Variants in MYO7B observed in about 807,000 individuals in gnomAD.
The protein encoded by MYO7B is myosin VIIB.
Under a neutral mutation model 259.7 loss-of-function variants are expected in MYO7B, and 212 were observed. That is an observed-to-expected ratio of 0.82 (90% CI 0.73 to 0.91). The LOEUF is 0.91. Ranked by LOEUF, MYO7B falls within the 40% of genes least tolerant of loss-of-function variation. The probability of loss-of-function intolerance (pLI) is 0.00; values close to 1 mark genes in which losing one functional copy is unlikely to be tolerated. For missense variants in MYO7B, 2,732 were observed against 2,813.5 expected, an observed-to-expected ratio of 0.97 and a Z score of 0.66; for synonymous variants, 1,197 against 1,166.4, an observed-to-expected ratio of 1.03 and a Z score of -0.54.
intron 1 of MYO7B, among the ~76,000 whole-genome samples, chr2:127,541,317 C>T (rs1258343972): frequency 1.3e-5 from 2 of 152,182 alleles, no homozygotes; most frequent in African/African-American, 4.8e-5. Context: ...GGAGGCATCT[C>T]GAGGGCTGTC....
intron 5 of MYO7B, among the ~76,000 whole-genome samples, chr2:127,569,228 G>T (rs1444224239): frequency 1.6e-5 from 2 of 127,968 alleles, no homozygotes; most frequent in African/African-American, 6.4e-5. Flanking sequence ...AAAAAAAAAA[G>T]GTAATATTTT....
intron 19 of MYO7B, among the ~76,000 whole-genome samples, chr2:127,599,758 A>T (rs1285934522): frequency 6.6e-6 from 1 of 152,166 alleles, no homozygotes; most frequent in Non-Finnish European, 1.5e-5. Flanking sequence ...TTCCTGCATC[A>T]GTTGATAATG....
chr2:127,613,844 T>C lies in MYO7B; in HGVS notation c.3398+1241T>C, dbSNP rs1680475841. ...TTAGCCTTGGCTAGAGTACCTGGAG[T>C]CTGCCCCACCATGTGTGTCAGGGGG... On this transcript the variant is annotated intron_variant, in intron 26 of 47. Coordinates refer to ENST00000409816, the MANE Select transcript of MYO7B (RefSeq NM_001393586.1). The surrounding 1 kb of genome is among the most constrained non-coding windows in gnomAD (Gnocchi z 4.3). Among the ~76,000 whole-genome samples, 1 of 152,160 alleles carries C rather than the reference T, an allele frequency of 6.6e-6. No individual in the cohort carries two copies. Among genetic ancestry groups the C allele is most frequent in the South Asian group, 2.1e-4 (1 of 4,836 alleles).
intron 40 of MYO7B, 124 bp from the exon 41 acceptor site, chr2:127,634,052 C>G (rs934918204): frequency 3.5e-5 from 26 of 733,360 alleles, no homozygotes; most frequent in South Asian, 3.1e-4. Flanking sequence ...TTGCCCTGCT[C>G]AGGGCAGACC....
chr2:127,612,186 TGG>T (rs1254270242), intron 24 of MYO7B, 62 bp from the exon 25 acceptor site: 1 of 534,166 alleles, frequency 1.9e-6, no homozygotes, highest in Admixed American at 2.2e-5. Flanking sequence ...CAGGAGGCTG[TGG>T]GGTCAGCATC....
chr2:127,626,661 C>T (rs983887038), intron 31 of MYO7B: 44 of 260,262 alleles, frequency 1.7e-4, no homozygotes, highest in African/African-American at 8.9e-4. Flanking sequence ...CGCCTGTAGT[C>T]CCAGCTACTC....
rs1431215288 is a variant in MYO7B at position 127,597,411 on chromosome 2, C to A, written c.2339+855C>A. Among the ~76,000 whole-genome samples, 1 of 152,168 alleles carries A rather than the reference C, an allele frequency of 6.6e-6. No individual in the cohort carries two copies. Among genetic ancestry groups the A allele is most frequent in the Non-Finnish European group, 1.5e-5 (1 of 68,036 alleles). ...CTTACCACCAGGATTCCTTCTGCGGCCTTGTTTAGCCACGCCCCCTCCCTC... is the reference window on the plus strand; with the variant it reads ...CTTACCACCAGGATTCCTTCTGCGGACTTGTTTAGCCACGCCCCCTCCCTC... On this transcript the variant is annotated intron_variant, in intron 19 of 47. Transcript: ENST00000409816. The surrounding 1 kb of genome is among the most constrained non-coding windows in gnomAD (Gnocchi z 4.8).
At chr2:127,544,152 C>T (rs781623171) in intron 1 of MYO7B, among the ~76,000 whole-genome samples, 2 of 152,118 alleles carry the variant, frequency 1.3e-5, no homozygotes, top group Non-Finnish European at 2.9e-5. Flanking sequence ...TCATAGCTCA[C>T]TACAGCCTCG....
At chr2:127,610,886 G>A (rs558699176) in intron 24 of MYO7B, among the ~76,000 whole-genome samples, 1 of 152,350 alleles carries the variant, frequency 6.6e-6, no homozygotes, top group South Asian at 2.1e-4. Context: ...AGAGGTATGG[G>A]CTCTGCCAGA....
In MYO7B at chr2:127,627,549, T is replaced by G; in HGVS notation, c.4460+239T>G. Reference sequence around the variant, plus strand: ...CACGCGTTGCACTGGCAGCTTCTCTTTGAAACCCAGGTCCACCCGGAAGGG... The same window carrying G: ...CACGCGTTGCACTGGCAGCTTCTCTGTGAAACCCAGGTCCACCCGGAAGGG... On this transcript the variant is annotated intron_variant, in intron 33 of 47. Transcript: ENST00000409816. This position sits in a 1 kb window ranked among gnomAD's most constrained non-coding sequence, Gnocchi z 5.6. 1 of 651,922 alleles carries G rather than the reference T, an allele frequency of 1.5e-6. No homozygotes were observed. Among genetic ancestry groups the G allele is most frequent in the Admixed American group, 2.1e-5 (1 of 47,604 alleles). 40.4% of individuals were successfully genotyped at this position (651,922 alleles called of 1,614,324 possible).
At position 127,632,300 on chromosome 2, in the gene MYO7B, G is replaced by T. The variant is rs370007088; in HGVS notation, c.5304G>T (p.Pro1768=). 1 of 1,611,352 alleles carries T rather than the reference G, an allele frequency of 6.2e-7. No homozygotes were observed. Among genetic ancestry groups the T allele is most frequent in the African/African-American group, 1.3e-5 (1 of 75,022 alleles). ...TGTGGCTGTGCACGGGCCTCTTCCC[G>T]CCCAGCAAGGGGCTGCTGCCCCATG... ...QLLWLCTGLF[P]PSKGLLPHAQ... The change falls in exon 39 of 48, where the codon CCG becomes CCT. Residue 1768 remains proline (P), a synonymous_variant. Transcript: ENST00000409816.
chr2:127,616,616 C>T (rs1386529234), intron 26 of MYO7B, among the ~76,000 whole-genome samples: 2 of 152,220 alleles, frequency 1.3e-5, no homozygotes, highest in Non-Finnish European at 2.9e-5. Context: ...CCCCAGATAC[C>T]GGTGGGAATC....
rs766395278 is a variant in MYO7B, at chr2:127,565,331, C to T, written c.231C>T (p.Asn77=). The part of the protein sequence containing the change: ...VDDMIRLGDL[N]EAGMVHNLLI... ...ACATGATCCGCCTGGGGGACCTGAACGAGGCAGGCATGGTGCACAACCTCC... is the reference window on the plus strand; with the variant it reads ...ACATGATCCGCCTGGGGGACCTGAATGAGGCAGGCATGGTGCACAACCTCC... Residue 77 remains asparagine (N), a synonymous_variant, in exon 4 of 48, where the codon AAC becomes AAT. Transcript: ENST00000409816. 5.6e-5 allele frequency: 90 copies of T among 1,614,042 alleles called. No homozygotes were observed. Among genetic ancestry groups the T allele is most frequent in the Middle Eastern group, 1.6e-4 (1 of 6,062 alleles).
At position 127,580,606 on chromosome 2, in the gene MYO7B, A is replaced by G. The variant is rs949642645; in HGVS notation, c.1004-140A>G. 1.3e-5 allele frequency: 10 copies of G among 762,920 alleles called. No homozygotes were observed. In the Admixed American group the frequency reaches 2.4e-4, roughly 19 times the overall value. The allele number at this position is 762,920 out of a possible 1,614,324, so 47.3% of individuals were successfully genotyped here. On this transcript the variant is annotated intron_variant, in intron 9 of 47. Coordinates refer to ENST00000409816, the MANE Select transcript of MYO7B (RefSeq NM_001393586.1). ...CCGTTGGCTCCCTCAAAGAGAGGAC[A>G]CTGGGAGAGACCGTGGCTTACGCCA... is the stretch of plus-strand genomic sequence containing the variant.
chr2:127,579,451 T>G (rs1266513592), intron 9 of MYO7B, among the ~76,000 whole-genome samples: 2 of 152,136 alleles, frequency 1.3e-5, no homozygotes, highest in Non-Finnish European at 1.5e-5. Flanking sequence ...GACTGCACAC[T>G]TCGGCCAGGG....
chr2:127,592,271 T>C (rs1679586244), intron 16 of MYO7B, among the ~76,000 whole-genome samples: 1 of 152,150 alleles, frequency 6.6e-6, no homozygotes, highest in Admixed American at 6.5e-5. Flanking sequence ...GCTACACGCC[T>C]GTAATCCCAG....
intron 39 of MYO7B, 132 bp downstream of exon 39, chr2:127,632,533 G>T: frequency 8.3e-7 from 1 of 1,206,236 alleles, no homozygotes; most frequent in Non-Finnish European, 1.1e-6. Flanking sequence ...AGCTTGGCAG[G>T]CAGGATTGGG....
chr2:127,568,363 C>G (rs976787908), intron 5 of MYO7B, among the ~76,000 whole-genome samples: 46 of 152,248 alleles, frequency 3.0e-4, no homozygotes, highest in Admixed American at 1.3e-4. Flanking sequence ...CAGAATGTCA[C>G]TTGTCACTTT....
At position 127,555,878 on chromosome 2, in the gene MYO7B, T is replaced by C. The variant is rs1693615187; in HGVS notation, c.-23-3822T>C. On this transcript the variant is annotated intron_variant, in intron 1 of 47. Coordinates refer to ENST00000409816, the MANE Select transcript of MYO7B (RefSeq NM_001393586.1). ...GAATAGAATGTACATTCTGTGGTTG[T>C]GGGGTAGAATGTTCTGTAAATATCT... 2.0e-5 allele frequency among the ~76,000 whole-genome samples: 3 copies of C among 152,248 alleles called. No homozygotes were observed. The South Asian group carries it at 6.2e-4, about 32-fold the overall frequency.
Sources: gnomAD v4.1 joint callset for allele counts (sites outside exome capture counted in the v4.1 genomes callset) on GRCh38, gnomAD v4.1.1 for gene constraint, Gnocchi (gnomAD v3.1) non-coding constraint, MANE v1.5 for transcripts, NCBI Gene and HGNC (gene_info 2026-07-23, HGNC 2026-07-21) for gene names.